Variants in ARCN1 observed in about 807,000 individuals in gnomAD.
ARCN1 encodes archain 1 coat protein complex I subunit delta, also known as coatomer subunit delta.
In ARCN1, 5 loss-of-function variants were observed where a neutral mutation model predicts 60.4. That is an observed-to-expected ratio of 0.08 (90% CI 0.04 to 0.17). The LOEUF (loss-of-function observed/expected upper bound fraction) is 0.17, where lower values mean the gene tolerates loss of function less well. ARCN1 is among the 10% of genes least tolerant of loss of function. The probability of loss-of-function intolerance (pLI) is 1.00; values close to 1 mark genes in which losing one functional copy is unlikely to be tolerated. For missense variants in ARCN1, 464 were observed against 626.5 expected, an observed-to-expected ratio of 0.74 and a Z score of 2.77; for synonymous variants, 224 against 220.0, an observed-to-expected ratio of 1.02 and a Z score of -0.16.
chr11:118,587,661 GT>G (rs1938808529), intron 5 of ARCN1, among the ~76,000 whole-genome samples: 1 of 152,150 alleles, frequency 6.6e-6, no homozygotes. Flanking sequence ...ACATCAAGCG[GT>G]CACACCTAGC....
chr11:118,584,804 G>A (rs1373209117), intron 5 of ARCN1, among the ~76,000 whole-genome samples, 160 bp downstream of exon 5: 4 of 151,870 alleles, frequency 2.6e-5, no homozygotes, highest in South Asian at 4.2e-4. Context: ...ACATAAGATC[G>A]TTTTTGGTTT....
intron 4 of ARCN1, 133 bp downstream of exon 4, chr11:118,584,147 C>G (rs1038528323): frequency 3.4e-6 from 3 of 893,492 alleles, no homozygotes; most frequent in Admixed American, 5.9e-5. Flanking sequence ...TTACATTTGG[C>G]CACATACAAT....
intron 2 of ARCN1, among the ~76,000 whole-genome samples, chr11:118,581,931 CAGACAG>C (rs151141654): frequency 4.8e-4 from 68 of 140,726 alleles, no homozygotes; most frequent in East Asian, 2.8e-3. Context: ...GACAGACAGA[CAGACAG>C]ACACACACAC....
chr11:118,577,791 CAGTT>C (rs1212055476), intron 1 of ARCN1, among the ~76,000 whole-genome samples: 3 of 152,152 alleles, frequency 2.0e-5, no homozygotes, highest in African/African-American at 7.2e-5. Context: ...AATAATTACT[CAGTT>C]AATTCTTATA....
chr11:118,585,246 GT>G (rs1441275971), intron 5 of ARCN1, among the ~76,000 whole-genome samples: 1 of 151,980 alleles, frequency 6.6e-6, no homozygotes, highest in Non-Finnish European at 1.5e-5. Flanking sequence ...ACAGGCATGC[GT>G]TGCTGCACCT....
chr11:118,598,200 T>G (rs1340392689), intron 9 of ARCN1, among the ~76,000 whole-genome samples: 7 of 151,308 alleles, frequency 4.6e-5, no homozygotes, highest in African/African-American at 7.3e-5. Context: ...TAGTTGCCTG[T>G]TTTTTTTTAA....
intron 9 of ARCN1, among the ~76,000 whole-genome samples, chr11:118,600,248 A>G (rs985959418): frequency 6.6e-6 from 1 of 152,258 alleles, no homozygotes. Context: ...GAGCAAATGA[A>G]TAATGTGAAG....
chr11:118,592,822 A>G lies in ARCN1; in HGVS notation c.1098A>G (p.Leu366=). The stretch of plus-strand genomic sequence containing the variant: ...ACGTAGGGGTGCTAAAGTGGAGACT[A>G]CAAACCACAGAGGAATCTTTTATTC... ...NSDVGVLKWR[L]QTTEESFIPL... Residue 366 remains leucine, a synonymous_variant, in exon 7 of 10, where the codon CTA becomes CTG. Transcript: ENST00000264028. 2 of 1,614,164 alleles carry G rather than the reference A, an allele frequency of 1.2e-6. No individual in the cohort carries two copies. The highest frequency in any genetic ancestry group is 1.7e-6 in the Non-Finnish European group (2 of 1,179,984).
At position 118,572,409 on chromosome 11, in the gene ARCN1, A is replaced by G; in HGVS notation, c.-139A>G. 1 of 488,422 alleles carries G rather than the reference A, an allele frequency of 2.0e-6. No homozygotes were observed. The highest frequency in any genetic ancestry group is 2.8e-6 in the Non-Finnish European group (1 of 351,730). The allele number at this position is 488,422 out of a possible 1,614,324, so 30.3% of individuals were successfully genotyped here. On this transcript the variant is annotated 5_prime_UTR_variant, in exon 1 of 10. Transcript: ENST00000264028. ...GTTGAAGACGTGGCTTGGGGCCGCC[A>G]TCTTGGCAAGAGGCGAAGCGGCAGC... is the stretch of plus-strand genomic sequence containing the variant.
chr11:118,597,622 A>T, intron 8 of ARCN1, 85 bp from the exon 9 acceptor site: 1 of 1,470,744 alleles, frequency 6.8e-7, no homozygotes, highest in Non-Finnish European at 9.3e-7. Flanking sequence ...AAATTTGGGG[A>T]TCATATATCA....
In ARCN1 at chr11:118,590,514, G is replaced by T. The variant is rs781996712; in HGVS notation, c.984+8G>T. On this transcript the variant is annotated splice_region_variant and intron_variant, in intron 6 of 9. Coordinates refer to ENST00000264028, the MANE Select transcript of ARCN1 (RefSeq NM_001655.5). ...AAAGGGGTGCAGCTACAGGTGTGTA[G>T]AAGCTTTTGATAGGGAGTATTAACA... 6.2e-7 allele frequency: 1 copy of T among 1,613,626 alleles called. No individual in the cohort carries two copies. The highest frequency in any genetic ancestry group is 8.5e-7 in the Non-Finnish European group (1 of 1,179,812).
intron 1 of ARCN1, among the ~76,000 whole-genome samples, chr11:118,576,313 T>A (rs1299300731): frequency 2.0e-5 from 3 of 150,872 alleles, no homozygotes; most frequent in Non-Finnish European, 3.0e-5. Context: ...TTTTTTTTTT[T>A]AACCGTCCTG....
chr11:118,572,575 C>T (rs782497773), intron 1 of ARCN1, 25 bp downstream of exon 1: 1 of 1,603,316 alleles, frequency 6.2e-7, no homozygotes. Context: ...AGGACCCGAA[C>T]TCCTGGGGTC....
intron 2 of ARCN1, among the ~76,000 whole-genome samples, chr11:118,582,472 C>G (rs988371988): frequency 2.6e-5 from 4 of 151,890 alleles, no homozygotes; most frequent in Admixed American, 6.6e-5. Context: ...CGCTTGTAAT[C>G]CCAGCACTTT....
Position 118,593,864 on chromosome 11 carries a change from C to T in ARCN1, c.1241+166C>T, listed in dbSNP as rs1330700740. 4.5e-5 allele frequency: 22 copies of T among 488,044 alleles called. No homozygotes were observed. The Admixed American group carries it at 7.2e-4, about 16-fold the overall frequency. 30.2% of individuals were successfully genotyped at this position (488,044 alleles called of 1,614,324 possible). Reference sequence around the variant, plus strand: ...CAAAAGGCTGCATGTTATGTGATTCCACTTCTTTGTCTTTCTGGAAAAGGT... The same window carrying T: ...CAAAAGGCTGCATGTTATGTGATTCTACTTCTTTGTCTTTCTGGAAAAGGT... On this transcript the variant is annotated intron_variant, in intron 8 of 9. Coordinates refer to ENST00000264028, the MANE Select transcript of ARCN1 (RefSeq NM_001655.5).
chr11:118,583,779 A>C, intron 3 of ARCN1, 30 bp from the exon 4 acceptor site: 1 of 1,594,794 alleles, frequency 6.3e-7, no homozygotes, highest in East Asian at 2.2e-5. Flanking sequence ...CAAAAAAAAA[A>C]GCTACATTAA....
intron 1 of ARCN1, 89 bp from the exon 2 acceptor site, chr11:118,581,155 AAT>A: frequency 1.3e-6 from 2 of 1,501,320 alleles, no homozygotes; most frequent in Non-Finnish European, 1.8e-6. Context: ...TCACTAAATA[AAT>A]ATGTCATTCT....
intron 1 of ARCN1, among the ~76,000 whole-genome samples, chr11:118,578,847 T>C (rs1555074148): frequency 6.9e-6 from 1 of 144,438 alleles, no homozygotes; most frequent in Non-Finnish European, 1.5e-5. Context: ...ATTTGTAGCC[T>C]GGGCAACATG....
chr11:118,580,412 C>T (rs547139421), intron 1 of ARCN1, among the ~76,000 whole-genome samples: 6 of 152,190 alleles, frequency 3.9e-5, no homozygotes, highest in Admixed American at 2.0e-4. Flanking sequence ...GCAAAACTAG[C>T]GTAGTTTGAA....
Sources: allele counts gnomAD v4.1 joint callset (sites outside exome capture counted in the v4.1 genomes callset), GRCh38; gene constraint gnomAD v4.1.1; transcripts MANE v1.5; gene names NCBI Gene and HGNC (gene_info 2026-07-23, HGNC 2026-07-21).